Variants in SAP130 observed in about 807,000 individuals in gnomAD.
SAP130 encodes histone deacetylase complex subunit SAP130.
Under a neutral mutation model 103.2 loss-of-function variants are expected in SAP130, and 16 were observed. The observed-to-expected ratio is 0.16, with a 90% confidence interval of 0.10 to 0.24. SAP130 has a LOEUF of 0.24. Among genes scored for constraint, SAP130 ranks in the 10% least tolerant of loss-of-function variants. The pLI is 1.00. For missense variants in SAP130, 990 were observed against 1,359.7 expected (o/e 0.73, Z 4.28); for synonymous variants, 477 against 497.0 (o/e 0.96, Z 0.53).
At chr2:128,026,346 A>G in intron 1 of SAP130, 48 bp from the exon 2 acceptor site, 1 of 1,323,528 alleles carries the variant, frequency 7.6e-7, no homozygotes, top group Admixed American at 1.7e-5. Flanking sequence ...TGAGATCTGA[A>G]TCAATACTGA....
chr2:127,971,292 T>C (rs1055359908), intron 15 of SAP130, among the ~76,000 whole-genome samples: 1 of 149,902 alleles, frequency 6.7e-6, no homozygotes, highest in African/African-American at 2.4e-5. Context: ...ATTTCTTTTT[T>C]TTTTTTTTTT....
At chr2:127,961,380 T>C (rs1360138286) in intron 15 of SAP130, among the ~76,000 whole-genome samples, 2 of 151,394 alleles carry the variant, frequency 1.3e-5, no homozygotes, top group African/African-American at 2.4e-5. Flanking sequence ...ACTCCTGAGC[T>C]CAACTGATCC....
intron 15 of SAP130, among the ~76,000 whole-genome samples, chr2:127,961,517 CT>C (rs10709267): frequency 0.77 from 100,221 of 129,368 alleles, 39,087 homozygotes; most frequent in Non-Finnish European, 0.85. Flanking sequence ...TCATACCTTG[CT>C]TTTTTTTTTT....
At chr2:127,956,702 T>TAAAAAAA (rs55931869) in intron 15 of SAP130, among the ~76,000 whole-genome samples, 2 of 111,266 alleles carry the variant, frequency 1.8e-5, no homozygotes, top group Non-Finnish European at 1.9e-5. Flanking sequence ...TAAAGTATAA[T>TAAAAAAA]AAAAAAAAAA....
chr2:127,984,769 T>TA (rs1682251180), intron 14 of SAP130, among the ~76,000 whole-genome samples: 1 of 152,176 alleles, frequency 6.6e-6, no homozygotes, highest in South Asian at 2.1e-4. Context: ...TCATGACCTC[T>TA]ATAGTGCTGG....
chr2:127,985,522 TCCTG>T (rs577577601), intron 14 of SAP130, among the ~76,000 whole-genome samples: 1 of 152,110 alleles, frequency 6.6e-6, no homozygotes, highest in Non-Finnish European at 1.5e-5. Context: ...GCACATACCT[TCCTG>T]CCTATGATCC....
chr2:128,011,529 A>T (rs1684396592), intron 6 of SAP130, among the ~76,000 whole-genome samples: 1 of 152,186 alleles, frequency 6.6e-6, no homozygotes, highest in Admixed American at 6.5e-5. Flanking sequence ...CACTAGGGCT[A>T]CAGCACCAGC....
chr2:127,971,430 C>T (rs1256075595), intron 15 of SAP130, among the ~76,000 whole-genome samples: 1 of 152,078 alleles, frequency 6.6e-6, no homozygotes, highest in African/African-American at 2.4e-5. Flanking sequence ...GGACTACCGG[C>T]ACCCGCCACC....
Position 127,954,230 on chromosome 2 carries a change from G to A in SAP130, c.2422+756C>T, listed in dbSNP as rs181089938. 1.6e-3 allele frequency among the ~76,000 whole-genome samples: 241 copies of A among 152,226 alleles called. 2 individuals carry two copies. The South Asian group carries it at 0.016, about 10-fold the overall frequency. ...GAATAAACAGATGAATAAATAAACAGTAGATTAAAAAAACTACAGACACAG... is the reference window on the plus strand; with the variant it reads ...GAATAAACAGATGAATAAATAAACAATAGATTAAAAAAACTACAGACACAG... On this transcript the variant is annotated intron_variant, in intron 16 of 20. Coordinates refer to ENST00000643581, the MANE Select transcript of SAP130 (RefSeq NM_001330301.2).
At chr2:127,973,379 T>C (rs1423451183) in intron 15 of SAP130, among the ~76,000 whole-genome samples, 1 of 152,154 alleles carries the variant, frequency 6.6e-6, no homozygotes, top group Non-Finnish European at 1.5e-5. Flanking sequence ...ATTACAGGCA[T>C]GCGCCACCAC....
intron 1 of SAP130, among the ~76,000 whole-genome samples, chr2:128,027,594 T>G (rs1363422228): frequency 6.7e-6 from 1 of 150,042 alleles, no homozygotes; most frequent in Non-Finnish European, 1.5e-5. Flanking sequence ...CACTTTAAAC[T>G]GCTCCAGGAG....
rs145192279 is a variant in SAP130 at position 128,012,527 on chromosome 2, G to A, written c.744+503C>T. Reference sequence around the variant, plus strand: ...GGCTCTCTACTGTATATAAAGTCTAGTTTATACTCCATATCCTAGAGAACC... The same window carrying A: ...GGCTCTCTACTGTATATAAAGTCTAATTTATACTCCATATCCTAGAGAACC... On this transcript the variant is annotated intron_variant, in intron 6 of 20. Coordinates refer to ENST00000643581, the MANE Select transcript of SAP130 (RefSeq NM_001330301.2). 1.8e-3 allele frequency among the ~76,000 whole-genome samples: 268 copies of A among 152,102 alleles called. 1 individual carries two copies. Among genetic ancestry groups the A allele is most frequent in the African/African-American group, 6.2e-3 (259 of 41,500 alleles).
intron 18 of SAP130, among the ~76,000 whole-genome samples, chr2:127,946,307 A>G (rs1679073290): frequency 6.6e-6 from 1 of 152,230 alleles, no homozygotes; most frequent in Non-Finnish European, 1.5e-5. Context: ...ATGAAGATAT[A>G]GCCTAGACTA....
chr2:127,999,130 TAA>T (rs1683370262), intron 10 of SAP130, among the ~76,000 whole-genome samples: 1 of 152,172 alleles, frequency 6.6e-6, no homozygotes, highest in African/African-American at 2.4e-5. Flanking sequence ...CCCTCTGTGC[TAA>T]AAGACTTCTG....
intron 1 of SAP130, 81 bp downstream of exon 1, chr2:128,027,859 G>C: frequency 1.1e-6 from 1 of 891,208 alleles, no homozygotes; most frequent in South Asian, 5.1e-5. Context: ...ACGCGCAACG[G>C]GACGGACGCT....
chr2:127,963,999 G>T (rs890951836), intron 15 of SAP130, among the ~76,000 whole-genome samples: 1 of 152,188 alleles, frequency 6.6e-6, no homozygotes, highest in Non-Finnish European at 1.5e-5. Flanking sequence ...AAATAGGAAT[G>T]AAAGGAGAAA....
intron 11 of SAP130, among the ~76,000 whole-genome samples, chr2:127,994,071 T>C (rs1683005228): frequency 6.6e-6 from 1 of 152,142 alleles, no homozygotes; most frequent in South Asian, 2.1e-4. Context: ...GTTAAATACA[T>C]CATGATCAAA....
chr2:127,963,600 G>C lies in SAP130; in HGVS notation c.2064-8256C>G, dbSNP rs563780440. ...TTGAGTCATAATGTGTTATGGTTTG[G>C]CTCTGTGTCCCCACACAAATCTCAT... On this transcript the variant is annotated intron_variant, in intron 15 of 20. Transcript: ENST00000643581. 2.0e-5 allele frequency among the ~76,000 whole-genome samples: 3 copies of C among 152,188 alleles called. No homozygotes were observed. The South Asian group carries it at 6.2e-4, about 32-fold the overall frequency.
Position 127,989,583 on chromosome 2 carries a change from C to T in SAP130, c.1761G>A (p.Gln587=). The T allele has an allele frequency of 1.2e-6, 2 of 1,610,756 alleles. No individual in the cohort carries two copies. The highest frequency in any genetic ancestry group is 1.7e-6 in the Non-Finnish European group (2 of 1,177,610). ...QPAPMGTQQP[Q]PEGKTSAVVL... is the part of the protein sequence containing the mutation. ...AATTACCTGAAGTCTTTCCTTCAGG[C>T]TGAGGCTGCTGAGTACCCATAGGTG... is the stretch of plus-strand genomic sequence containing the variant. Residue 587 remains glutamine, a synonymous_variant, in exon 13 of 21, where the codon CAG becomes CAA. Transcript: ENST00000643581. The surrounding 1 kb of genome is among the most constrained non-coding windows in gnomAD (Gnocchi z 4.6).
Sources: gnomAD v4.1 joint callset for allele counts (sites outside exome capture counted in the v4.1 genomes callset) on GRCh38, gnomAD v4.1.1 for gene constraint, Gnocchi (gnomAD v3.1) non-coding constraint, MANE v1.5 for transcripts, NCBI Gene and HGNC (gene_info 2026-07-23, HGNC 2026-07-21) for gene names.